The following PHF10 variants were observed in gnomAD, a reference collection of about 807,000 sequenced individuals.
PHF10 encodes the protein BRG1-associated factor 45a.
In PHF10, 51 loss-of-function variants were observed where a neutral mutation model predicts 68.5. That is an observed-to-expected ratio of 0.74 (90% confidence interval 0.59 to 0.94). PHF10 has a LOEUF of 0.94. Among genes scored for constraint, PHF10 ranks in the 40% least tolerant of loss-of-function variants. PHF10 has a pLI of 0.00. For missense variants in PHF10, 460 were observed against 602.6 expected (o/e 0.76, Z 2.48); for synonymous variants, 204 against 203.5 (o/e 1.00, Z -0.02).
In PHF10 at chr6:169,712,453, C is replaced by T; in HGVS notation, c.890G>A (p.Ser297Asn). The T allele has an allele frequency of 1.9e-6, 3 of 1,614,090 alleles. No individual in the cohort carries two copies. Among genetic ancestry groups the T allele is most frequent in the Non-Finnish European group, 2.5e-6 (3 of 1,179,938 alleles). ...TTCGCCATCATCTGAATCACCATCA[C>T]TGTCTAGAGCAGGGAGCTCAGGATC... The part of the protein sequence containing the change: ...PLDPELPALD[S>N]DGDSDDGEDG... The change falls in exon 8 of 12, where the codon AGT (serine) becomes AAT (asparagine). Residue 297 changes from serine (S) to asparagine (N), a missense_variant. By Grantham distance (46) the Ser-to-Asn change is conservative. Around this residue, in one of 3 missense-constraint regions of PHF10, gnomAD observed 256 missense variants for 410.5 expected, o/e 0.62. Transcript: ENST00000339209.
At position 169,705,237 on chromosome 6, in the gene PHF10, C is replaced by G. The variant is rs1398027707; in HGVS notation, c.1307G>C (p.Cys436Ser). The change falls in exon 11 of 12, where the codon TGC (cysteine) becomes TCC (serine). Residue 436 changes from cysteine to serine, a missense_variant. By Grantham distance (112) the Cys-to-Ser change is moderately radical. Transcript: ENST00000339209. ...YPWQCMECKT[C>S]IICGQPHHEE... ...ATGGTGGGGTTGTCCACATATAATG[C>G]ATGTTTTACATTCCATACACTGCCA... 6.2e-7 allele frequency: 1 copy of G among 1,612,732 alleles called. No individual in the cohort carries two copies. Among genetic ancestry groups the G allele is most frequent in the African/African-American group, 1.3e-5 (1 of 74,874 alleles).
chr6:169,712,943 T>C (rs1340507718), intron 7 of PHF10, among the ~76,000 whole-genome samples: 1 of 152,234 alleles, frequency 6.6e-6, no homozygotes, highest in African/African-American at 2.4e-5. Context: ...CCGCATACAG[T>C]TGATATATAT....
intron 2 of PHF10, among the ~76,000 whole-genome samples, chr6:169,720,260 C>T (rs538366691): frequency 1.5e-4 from 23 of 152,202 alleles, no homozygotes; most frequent in South Asian, 4.1e-4. Flanking sequence ...TTGGCAGCTT[C>T]TCAAAAAATT....
Position 169,718,287 on chromosome 6 carries a change from C to G in PHF10, c.326-381G>C, listed in dbSNP as rs1463425335. On this transcript the variant is annotated intron_variant, in intron 3 of 11. Transcript: ENST00000339209. ...TTTCTAAAATTTTCCTCAGGAAATT[C>G]ACCTTTCCCATTTTGCTTTTAAATC... Among the ~76,000 whole-genome samples the G allele has an allele frequency of 2.0e-5, 3 of 152,104 alleles. 1 individual carries two copies. The highest frequency in any genetic ancestry group is 2.0e-4 in the Admixed American group (3 of 15,264).
At chr6:169,719,138 T>C (rs1789118292) in intron 2 of PHF10, 1 of 378,434 alleles carries the variant, frequency 2.6e-6, no homozygotes. Context: ...ACATCTTTTA[T>C]ACACTGGGAA....
At chr6:169,705,559 G>A (rs1562983823) in intron 10 of PHF10, 57 bp downstream of exon 10, 3 of 966,470 alleles carry the variant, frequency 3.1e-6, no homozygotes. Flanking sequence ...ATAAATTCTA[G>A]TTTTTGAACC....
intron 2 of PHF10, among the ~76,000 whole-genome samples, chr6:169,720,664 G>A (rs560965751): frequency 1.3e-5 from 2 of 151,892 alleles, no homozygotes; most frequent in African/African-American, 2.4e-5. Flanking sequence ...AGAAAGGGAG[G>A]TTATTGCTTA....
intron 6 of PHF10, 29 bp from the exon 7 acceptor site, chr6:169,714,871 C>T (rs1428064791): frequency 9.4e-7 from 1 of 1,063,774 alleles, no homozygotes; most frequent in Non-Finnish European, 1.5e-6. Context: ...AAACACAAAA[C>T]TGATTCCATG....
At chr6:169,707,114 A>G (rs990156724) in intron 9 of PHF10, 2 of 152,226 alleles carry the variant, frequency 1.3e-5, no homozygotes, top group Non-Finnish European at 2.9e-5. Flanking sequence ...AACAATCACA[A>G]ATGTCTCTAC....
rs1476416390 is a variant in PHF10 at position 169,714,842 on chromosome 6, C to T, written c.694G>A (p.Val232Ile). 1 of 1,442,074 alleles carries T rather than the reference C, an allele frequency of 6.9e-7. No individual in the cohort carries two copies. The highest frequency in any genetic ancestry group is 1.7e-5 in the Admixed American group (1 of 59,806). 89.3% of individuals were successfully genotyped at this position (1,442,074 alleles called of 1,614,324 possible). The stretch of plus-strand genomic sequence containing the variant: ...TACTTCCCTTGAGGTACCTGGATAA[C>T]CTACGTTAACATAAAGAGAAACACA... ...RRAYFDLQTH[V>I]IQVPQGKYKV... is the part of the protein sequence containing the mutation. The change falls in exon 7 of 12, where the codon GTT becomes ATT. Residue 232 changes from valine (V) to isoleucine (I), a missense_variant and splice_region_variant. By Grantham distance (29) the Val-to-Ile change is conservative. Coordinates refer to ENST00000339209, the MANE Select transcript of PHF10 (RefSeq NM_018288.4).
Position 169,721,100 on chromosome 6 carries a change from T to C in PHF10, c.99A>G (p.Glu33=), listed in dbSNP as rs748663940. 10 of 1,497,102 alleles carry C rather than the reference T, an allele frequency of 6.7e-6. No individual in the cohort carries two copies. The highest frequency in any genetic ancestry group is 9.1e-6 in the Non-Finnish European group (10 of 1,098,780). 92.7% of individuals were successfully genotyped at this position (1,497,102 alleles called of 1,614,324 possible). A position where few individuals can be genotyped will look rare whatever the true frequency, so the allele number is the denominator to read the frequency against. ...GCTGGGTCCCATCATTTGAATTATC[T>C]TCATTATCATCCTATACATTTAAAA... The part of the protein sequence containing the change: ...PGAQSPKDDN[E]DNSNDGTQPS... The change falls in exon 2 of 12, where the codon GAA becomes GAG. Residue 33 remains glutamate, a synonymous_variant. Transcript: ENST00000339209.
At chr6:169,705,517 G>A in intron 10 of PHF10, 99 bp downstream of exon 10, 1 of 786,578 alleles carries the variant, frequency 1.3e-6, no homozygotes, top group Non-Finnish European at 2.2e-6. Context: ...TATTTAATTT[G>A]GTGACTCTTT....
intron 9 of PHF10, chr6:169,707,539 CTAA>C (rs753493858): frequency 3.3e-5 from 5 of 151,992 alleles, no homozygotes; most frequent in Non-Finnish European, 5.9e-5. Context: ...AGTAAATACT[CTAA>C]TATCTTTCAC....
At position 169,716,029 on chromosome 6, in the gene PHF10, T is replaced by C; in HGVS notation, c.469A>G (p.Lys157Glu). The change falls in exon 5 of 12, where the codon AAA becomes GAA. Residue 157 changes from lysine to glutamate, a missense_variant. Lys to Glu is a moderately conservative substitution (Grantham distance 56). This residue lies in a region of PHF10 where 256 missense variants were observed against 410.5 expected (regional missense o/e 0.62). Coordinates refer to ENST00000339209, the MANE Select transcript of PHF10 (RefSeq NM_018288.4). ...AGAATAACAGAATACTCAGCATGTT[T>C]GGCTGGATATTCTTTTATCATTAAA... ...IDLMIKEYPA[K>E]HAEYSVILQE... The C allele has an allele frequency of 6.2e-7, 1 of 1,609,670 alleles. No homozygotes were observed. The highest frequency in any genetic ancestry group is 8.5e-7 in the Non-Finnish European group (1 of 1,176,720).
At chr6:169,708,814 C>T (rs989729986) in intron 9 of PHF10, 1 of 152,168 alleles carries the variant, frequency 6.6e-6, no homozygotes, top group African/African-American at 2.4e-5. Context: ...GTTAACAGGA[C>T]ACTGTGCTTT....
rs1197042194 is a variant in PHF10 at position 169,704,091 on chromosome 6, AG to A, written c.1412-4del. 4 of 1,574,482 alleles carry A rather than the reference AG, an allele frequency of 2.5e-6. No homozygotes were observed. In the African/African-American group the frequency reaches 4.2e-5, roughly 16 times the overall value. ...ACAACAGTCACAAATCCAGCGACCT[AG>A]GAAAAAAATTGTTAATATAGAATGA... On this transcript the variant is annotated splice_region_variant and splice_polypyrimidine_tract_variant and intron_variant, in intron 11 of 11. Transcript: ENST00000339209.
At chr6:169,723,821 G>T in intron 1 of PHF10, 24 bp downstream of exon 1, 2 of 882,370 alleles carry the variant, frequency 2.3e-6, no homozygotes, top group Non-Finnish European at 2.9e-6. Context: ...GGTCAGGGTC[G>T]GGTCGCACCG....
chr6:169,712,657 T>C, intron 7 of PHF10, 118 bp from the exon 8 acceptor site: 2 of 738,164 alleles, frequency 2.7e-6, no homozygotes, highest in Non-Finnish European at 4.2e-6. Context: ...TTTTGAAAAC[T>C]AGAGTACTAA....
At chr6:169,715,418 T>C (rs982254091) in intron 6 of PHF10, among the ~76,000 whole-genome samples, 6 of 151,862 alleles carry the variant, frequency 4.0e-5, no homozygotes, top group Admixed American at 2.6e-4. Flanking sequence ...ATACAAAAAA[T>C]TAGCTGGGTG....
Sources: gnomAD v4.1 joint callset for allele counts (sites outside exome capture counted in the v4.1 genomes callset) on GRCh38, gnomAD v4.1.1 for gene constraint, gnomAD v4.1.1 regional missense constraint, MANE v1.5 for transcripts, NCBI Gene and HGNC (gene_info 2026-07-23, HGNC 2026-07-21) for gene names.